The following SIDT1 variants were observed in gnomAD, a reference collection of about 807,000 sequenced individuals.
The protein encoded by SIDT1 is SID1 transmembrane family, member 1.
In SIDT1, 101 loss-of-function variants were observed where a neutral mutation model predicts 107.5. That is an observed-to-expected ratio of 0.94 (90% CI 0.80 to 1.11). SIDT1 has a LOEUF of 1.11. SIDT1 is among the 50% of genes least tolerant of loss of function. SIDT1 has a pLI of 0.00. For synonymous variants in SIDT1, 395 were observed against 398.2 expected (o/e 0.99, Z 0.10); for missense variants, 1,076 against 1,058.2 (o/e 1.02, Z -0.23).
At chr3:113,568,663 ATTCCATTACAAC>A (rs1942163697) in intron 3 of SIDT1, among the ~76,000 whole-genome samples, 1 of 152,100 alleles carries the variant, frequency 6.6e-6, no homozygotes, top group African/African-American at 2.4e-5. Flanking sequence ...CCATAATGTG[ATTCCATTACAAC>A]TACCAAATTG....
chr3:113,599,093 C>T (rs1192199339), intron 10 of SIDT1, among the ~76,000 whole-genome samples: 2 of 152,340 alleles, frequency 1.3e-5, no homozygotes, highest in Non-Finnish European at 1.5e-5. Context: ...TGTGCCACTG[C>T]ACTCCAGTCT....
chr3:113,584,574 A>G (rs1943597307), intron 7 of SIDT1, 124 bp from the exon 8 acceptor site: 5 of 662,420 alleles, frequency 7.5e-6, no homozygotes, highest in African/African-American at 1.9e-5. Flanking sequence ...GTTCTTGCTA[A>G]AATAAGATTC....
At chr3:113,566,328 TTGTGTGTGTTTGTGTG>T (rs1941902710) in intron 1 of SIDT1, 76 bp from the exon 2 acceptor site, 1 of 1,235,866 alleles carries the variant, frequency 8.1e-7, no homozygotes, top group African/African-American at 1.6e-5. Flanking sequence ...GTGTGTGTGT[TTGTGTGTGTTTGTGTG>T]TGTGTGTGTG....
chr3:113,562,306 G>C (rs1941506691), intron 1 of SIDT1, among the ~76,000 whole-genome samples: 1 of 152,146 alleles, frequency 6.6e-6, no homozygotes, highest in African/African-American at 2.4e-5. Context: ...AAAACATTTT[G>C]GTAGTTCCAC....
the SIDT1 span, among the ~76,000 whole-genome samples, chr3:113,635,082 A>AT: frequency 4.6e-5 from 7 of 152,268 alleles, no homozygotes; most frequent in Non-Finnish European, 7.3e-5. Flanking sequence ...CCAAAGATTC[A>AT]TTTTAAATTA....
At chr3:113,579,790 G>A (rs762742627) in intron 4 of SIDT1, among the ~76,000 whole-genome samples, 1 of 152,074 alleles carries the variant, frequency 6.6e-6, no homozygotes, top group Non-Finnish European at 1.5e-5. Flanking sequence ...CTTAATCATA[G>A]GCTTAATATA....
chr3:113,536,991 C>T (rs575353215), intron 1 of SIDT1, among the ~76,000 whole-genome samples: 4 of 152,280 alleles, frequency 2.6e-5, no homozygotes, highest in African/African-American at 9.6e-5. Flanking sequence ...TTGACTGGGA[C>T]AGAAGGCACA....
At chr3:113,535,305 G>A (rs999845247) in intron 1 of SIDT1, among the ~76,000 whole-genome samples, 1 of 151,928 alleles carries the variant, frequency 6.6e-6, no homozygotes, top group Non-Finnish European at 1.5e-5. Context: ...GAAAAGAGAG[G>A]CTTATAAAAA....
At chr3:113,596,434 C>A (rs75271657) in intron 10 of SIDT1, among the ~76,000 whole-genome samples, 2,026 of 151,888 alleles carry the variant, frequency 0.013, 47 homozygotes, top group African/African-American at 0.046. Flanking sequence ...TAATAAAAAG[C>A]AAAAAAATGT....
the SIDT1 span, among the ~76,000 whole-genome samples, chr3:113,636,184 CA>C: frequency 2.0e-5 from 3 of 152,008 alleles, no homozygotes; most frequent in Non-Finnish European, 4.4e-5. Context: ...GGGGCCAGAT[CA>C]CTTGAGGTCA....
At chr3:113,567,054 A>C (rs181939573) in intron 2 of SIDT1, among the ~76,000 whole-genome samples, 49 of 152,332 alleles carry the variant, frequency 3.2e-4, no homozygotes, top group Middle Eastern at 3.4e-3. Context: ...ACTAATAAAA[A>C]AAACTTGGAA....
chr3:113,620,223 T>TGTGTGTGTGTGC (rs1219532100), intron 21 of SIDT1, among the ~76,000 whole-genome samples: 2 of 151,394 alleles, frequency 1.3e-5, no homozygotes, highest in African/African-American at 4.9e-5. Flanking sequence ...TGTGTGTGTG[T>TGTGTGTGTGTGC]GCAAGTCCCT....
chr3:113,585,379 C>T, intron 9 of SIDT1, 109 bp downstream of exon 9: 1 of 810,618 alleles, frequency 1.2e-6, no homozygotes. Flanking sequence ...CCCTCAGCCA[C>T]TAGCAATGTG....
chr3:113,548,731 T>C (rs1399821219), intron 1 of SIDT1, among the ~76,000 whole-genome samples: 1 of 152,124 alleles, frequency 6.6e-6, no homozygotes, highest in East Asian at 1.9e-4. Context: ...CTAACCCTTA[T>C]CTTCCTGGCC....
intron 1 of SIDT1, among the ~76,000 whole-genome samples, chr3:113,551,987 T>A (rs1368877841): frequency 6.6e-6 from 1 of 152,016 alleles, no homozygotes; most frequent in Non-Finnish European, 1.5e-5. Flanking sequence ...TATTTCTGGG[T>A]CCCCACTAAG....
At chr3:113,630,543 G>A (rs138963051), downstream of SIDT1, among the ~76,000 whole-genome samples, 1,243 of 152,258 alleles carry the variant, frequency 8.2e-3, 13 homozygotes, top group Middle Eastern at 0.027. Flanking sequence ...ACATGCATGT[G>A]TCGGTAAATC....
chr3:113,619,542 G>C, intron 20 of SIDT1, 138 bp from the exon 21 acceptor site: 1 of 724,974 alleles, frequency 1.4e-6, no homozygotes, highest in Non-Finnish European at 2.4e-6. Context: ...CAGATCATAG[G>C]CAAGGCACTC....
At position 113,554,647 on chromosome 3, in the gene SIDT1, A is replaced by T. The variant is rs555461270; in HGVS notation, c.223-11773A>T. On this transcript the variant is annotated intron_variant, in intron 1 of 24. Coordinates refer to ENST00000264852, the MANE Select transcript of SIDT1 (RefSeq NM_017699.3). ...CCATTAAACCTCTTTTTCTTTATAAATTACCCAGTCTTGGGTATTTCTTCA... is the reference window on the plus strand; with the variant it reads ...CCATTAAACCTCTTTTTCTTTATAATTTACCCAGTCTTGGGTATTTCTTCA... Among the ~76,000 whole-genome samples the T allele has an allele frequency of 2.2e-4, 33 of 152,258 alleles. No homozygotes were observed. In the South Asian group the frequency reaches 3.9e-3, roughly 18 times the overall value.
At chr3:113,539,622 A>G (rs1392928674) in intron 1 of SIDT1, among the ~76,000 whole-genome samples, 2 of 152,190 alleles carry the variant, frequency 1.3e-5, no homozygotes, top group Non-Finnish European at 2.9e-5. Context: ...CCTCATCCTT[A>G]ATGGAAGATA....
Sources: allele counts gnomAD v4.1 joint callset (sites outside exome capture counted in the v4.1 genomes callset), GRCh38; gene constraint gnomAD v4.1.1; transcripts MANE v1.5; gene names NCBI Gene and HGNC (gene_info 2026-07-23, HGNC 2026-07-21).